ASPSCR1: variants seen among roughly 807,000 people sequenced by gnomAD.
ASPSCR1 encodes ASPSCR1 tether for SLC2A4, UBX domain containing, also known as tether containing UBX domain for GLUT4.
Under a neutral mutation model 68.9 loss-of-function variants are expected in ASPSCR1, and 55 were observed. The observed-to-expected ratio is 0.80, with a 90% CI of 0.64 to 1.00. ASPSCR1 has a LOEUF of 1.00. Among genes scored for constraint, ASPSCR1 ranks in the 50% least tolerant of loss-of-function variants. The pLI is 0.00. For missense variants in ASPSCR1, 765 were observed against 762.2 expected (o/e 1.00, Z -0.04); for synonymous variants, 352 against 332.6 (o/e 1.06, Z -0.63).
chr17:82,003,743 C>T (rs865993698), intron 7 of ASPSCR1, among the ~76,000 whole-genome samples: 5 of 152,262 alleles, frequency 3.3e-5, no homozygotes, highest in East Asian at 1.9e-4. Context: ...CCGGTCGCAG[C>T]GGTCTCCCCA....
intron 6 of ASPSCR1, 49 bp from the exon 7 acceptor site, chr17:81,996,371 C>G (rs200052112): frequency 9.1e-6 from 14 of 1,530,692 alleles, no homozygotes; most frequent in Non-Finnish European, 1.1e-5. Context: ...GAGGGTGAGC[C>G]GGGGGTAGGC....
At chr17:82,001,320 A>G (rs888390568) in intron 7 of ASPSCR1, among the ~76,000 whole-genome samples, 1 of 152,074 alleles carries the variant, frequency 6.6e-6, no homozygotes, top group Non-Finnish European at 1.5e-5. Context: ...AGGAGCCCCC[A>G]CATCCGACGC....
At position 81,990,485 on chromosome 17, in the gene ASPSCR1, G is replaced by A. The variant is rs2042124868; in HGVS notation, c.375-4336G>A. 2.0e-5 allele frequency among the ~76,000 whole-genome samples: 3 copies of A among 152,298 alleles called. No individual in the cohort carries two copies. The highest frequency in any genetic ancestry group is 4.1e-4 in the South Asian group (2 of 4,822). On this transcript the variant is annotated intron_variant, in intron 4 of 15. Coordinates refer to ENST00000306739, the MANE Select transcript of ASPSCR1 (RefSeq NM_024083.4). This position sits in a 1 kb window ranked among gnomAD's most constrained non-coding sequence, Gnocchi z 4.1. ...CTCTCCGCCTGCCTGGTGGGCCTGT[G>A]TCTGAGTTTGGGATCTTCCACGCCG...
chr17:81,984,797 ACACACCCACATACCCG>A (rs1209385993), intron 3 of ASPSCR1, among the ~76,000 whole-genome samples: 2 of 133,238 alleles, frequency 1.5e-5, no homozygotes, highest in Non-Finnish European at 3.3e-5. Context: ...ACACACCCCC[ACACACCCACATACCCG>A]CACACCCGTA....
At position 81,983,510 on chromosome 17, in the gene ASPSCR1, T is replaced by TGG; in HGVS notation, c.159-44_159-43insGG. ...GGCGGGGCGTGGATGGCAGGGCGTG[T>TGG]CAGGCTCTGCAGGGCAGCAAGTGTG... On this transcript the variant is annotated intron_variant, in intron 2 of 15. Transcript: ENST00000306739. The surrounding 1 kb of genome is among the most constrained non-coding windows in gnomAD (Gnocchi z 4.4). The TGG allele has an allele frequency of 2.2e-6, 3 of 1,384,840 alleles. No individual in the cohort carries two copies. The highest frequency in any genetic ancestry group is 2.0e-5 in the African/African-American group (1 of 50,114). The allele number at this position is 1,384,840 out of a possible 1,614,324, so 85.8% of individuals were successfully genotyped here.
At chr17:81,989,342 G>A (rs770504677) in intron 4 of ASPSCR1, among the ~76,000 whole-genome samples, 1 of 152,224 alleles carries the variant, frequency 6.6e-6, no homozygotes, top group African/African-American at 2.4e-5. Context: ...GGTGAGGGTG[G>A]AGTGCCTGGT....
Position 81,990,467 on chromosome 17 carries a change from C to T in ASPSCR1, c.375-4354C>T, listed in dbSNP as rs1258018454. ...GAGCTCTGGGGGACACTGCTCTCCG[C>T]CTGCCTGGTGGGCCTGTGTCTGAGT... On this transcript the variant is annotated intron_variant, in intron 4 of 15. Coordinates refer to ENST00000306739, the MANE Select transcript of ASPSCR1 (RefSeq NM_024083.4). This position sits in a 1 kb window ranked among gnomAD's most constrained non-coding sequence, Gnocchi z 4.1. Among the ~76,000 whole-genome samples, 2 of 152,226 alleles carry T rather than the reference C, an allele frequency of 1.3e-5. No individual in the cohort carries two copies. The highest frequency in any genetic ancestry group is 4.8e-5 in the African/African-American group (2 of 41,454).
intron 7 of ASPSCR1, among the ~76,000 whole-genome samples, chr17:81,997,154 C>CGGGATGAGGCCGTGTCCGCTCCGGG (rs1410031166): frequency 2.6e-5 from 4 of 152,080 alleles, no homozygotes; most frequent in African/African-American, 7.3e-5. Context: ...GTGTTGGCTC[C>CGGGATGAGGCCGTGTCCGCTCCGGG]ATGACAAGGC....
intron 4 of ASPSCR1, among the ~76,000 whole-genome samples, chr17:81,989,029 G>A (rs1013383110): frequency 6.6e-6 from 1 of 152,050 alleles, no homozygotes; most frequent in Admixed American, 6.6e-5. Flanking sequence ...CCAACATGGT[G>A]AAACCCCGTC....
intron 11 of ASPSCR1, 128 bp from the exon 12 acceptor site, chr17:82,012,103 C>A: frequency 1.8e-6 from 2 of 1,107,202 alleles, no homozygotes; most frequent in South Asian, 1.3e-5. Flanking sequence ...GGGCACAGGG[C>A]GTGCTCGTGA....
intron 2 of ASPSCR1, among the ~76,000 whole-genome samples, chr17:81,981,945 C>T (rs148885640): frequency 2.0e-5 from 3 of 151,912 alleles, no homozygotes; most frequent in Admixed American, 6.6e-5. Context: ...GGATGATAGG[C>T]GTGAGCCACT....
intron 5 of ASPSCR1, chr17:81,995,644 G>A (rs1422677249): frequency 8.4e-6 from 4 of 477,264 alleles, no homozygotes; most frequent in Non-Finnish European, 7.6e-6. Flanking sequence ...GTGACAGCAC[G>A]TTCCTGCCTC....
rs371509892 is a variant in ASPSCR1 at position 81,995,748 on chromosome 17, G to A, written c.433-244G>A. On this transcript the variant is annotated intron_variant, in intron 5 of 15. Coordinates refer to ENST00000306739, the MANE Select transcript of ASPSCR1 (RefSeq NM_024083.4). ...CTCAGTGAGCTTGGGTCCCAGCTGC[G>A]GAGACCAGGCTGGGGGAGACACGGT... is the stretch of plus-strand genomic sequence containing the variant. Among the ~76,000 whole-genome samples, 45 of 152,358 alleles carry A rather than the reference G, an allele frequency of 3.0e-4. No homozygotes were observed. The East Asian group carries it at 7.1e-3, about 24-fold the overall frequency.
At chr17:81,981,259 C>G (rs1476616460) in intron 2 of ASPSCR1, among the ~76,000 whole-genome samples, 1 of 152,192 alleles carries the variant, frequency 6.6e-6, no homozygotes, top group Non-Finnish European at 1.5e-5. Flanking sequence ...GCAGATGTGT[C>G]TGATCTCCCA....
chr17:81,979,186 T>G lies in ASPSCR1; in HGVS notation c.105T>G (p.Val35=), dbSNP rs1283784706. The G allele has an allele frequency of 6.2e-7, 1 of 1,614,058 alleles. No homozygotes were observed. Among genetic ancestry groups the G allele is most frequent in the East Asian group, 2.2e-5 (1 of 44,878 alleles). Residue 35 remains valine, a splice_region_variant and synonymous_variant, in exon 2 of 16, where the codon GTT becomes GTG. Coordinates refer to ENST00000306739, the MANE Select transcript of ASPSCR1 (RefSeq NM_024083.4). ...CCATCCTTTCATCTCACCCCCAGGTTCTGGAGGACACGTGCCGGCGGCAGG... is the reference window on the plus strand; with the variant it reads ...CCATCCTTTCATCTCACCCCCAGGTGCTGGAGGACACGTGCCGGCGGCAGG... ...KVTPSTVLLQ[V]LEDTCRRQDF...
intron 7 of ASPSCR1, among the ~76,000 whole-genome samples, chr17:82,003,976 G>A (rs1005277212): frequency 1.7e-4 from 26 of 152,240 alleles, no homozygotes; most frequent in African/African-American, 5.8e-4. Context: ...AGGCCGGGCC[G>A]AGACGGTGGG....
In ASPSCR1 at chr17:81,996,723, G is replaced by A; in HGVS notation, c.810G>A (p.Pro270=). 2.5e-6 allele frequency: 4 copies of A among 1,613,558 alleles called. No individual in the cohort carries two copies. The highest frequency in any genetic ancestry group is 2.2e-5 in the South Asian group (2 of 91,084). The change falls in exon 7 of 16, where the codon CCG becomes CCA. Residue 270 remains proline, a synonymous_variant. Coordinates refer to ENST00000306739, the MANE Select transcript of ASPSCR1 (RefSeq NM_024083.4). The part of the protein sequence containing the change: ...RPLTSSSAKL[P]KSLSSPGGPS... Reference sequence around the variant, plus strand: ...TGACATCATCTTCAGCTAAGTTGCCGAAGTCCCTCTCCAGCCCTGGAGGCC... The same window carrying A: ...TGACATCATCTTCAGCTAAGTTGCCAAAGTCCCTCTCCAGCCCTGGAGGCC...
intron 4 of ASPSCR1, among the ~76,000 whole-genome samples, chr17:81,989,407 T>A (rs2042091977): frequency 6.6e-6 from 1 of 152,188 alleles, no homozygotes; most frequent in Non-Finnish European, 1.5e-5. Flanking sequence ...AGGGAGGCTC[T>A]CGTGCCTAGT....
At chr17:81,984,016 G>A (rs1014277429) in intron 3 of ASPSCR1, among the ~76,000 whole-genome samples, 3 of 151,826 alleles carry the variant, frequency 2.0e-5, no homozygotes, top group South Asian at 2.1e-4. Flanking sequence ...CACCACACCC[G>A]GCTAATTTTT....
Sources: allele counts gnomAD v4.1 joint callset (sites outside exome capture counted in the v4.1 genomes callset), GRCh38; gene constraint gnomAD v4.1.1; non-coding constraint Gnocchi (gnomAD v3.1); transcripts MANE v1.5; gene names NCBI Gene and HGNC (gene_info 2026-07-23, HGNC 2026-07-21).